The following HSPG2 variants were observed in gnomAD, a reference collection of about 807,000 sequenced individuals.
HSPG2 encodes the protein heparan sulfate proteoglycan 2, also known as basement membrane-specific heparan sulfate proteoglycan core protein.
Under a neutral mutation model 526.6 loss-of-function variants are expected in HSPG2, and 278 were observed. The observed-to-expected ratio is 0.53, with a 90% CI of 0.48 to 0.58. The LOEUF is 0.58. Among genes scored for constraint, HSPG2 ranks in the 20% least tolerant of loss-of-function variants. HSPG2 has a pLI of 0.00. For synonymous variants in HSPG2, 2,465 were observed against 2,555.4 expected, an observed-to-expected ratio of 0.96 and a Z score of 1.07; for missense variants, 5,354 against 6,099.5, an observed-to-expected ratio of 0.88 and a Z score of 4.07.
In HSPG2 at chr1:21,832,505, G is replaced by A; in HGVS notation, c.11197C>T (p.Pro3733Ser). 6.2e-7 allele frequency: 1 copy of A among 1,613,940 alleles called. No homozygotes were observed. Among genetic ancestry groups the A allele is most frequent in the Non-Finnish European group, 8.5e-7 (1 of 1,179,802 alleles). Residue 3733 changes from proline (P) to serine (S), a missense_variant, in exon 81 of 97, where the codon CCC becomes TCC. Coordinates refer to ENST00000374695, the MANE Select transcript of HSPG2 (RefSeq NM_005529.7). ...GGCTGGGGGTCTCACCGGAACTCGG[G>A]CCTTCCCCCCACGAGGCCGAAGGAG... ...FISFGLVGGR[P>S]EFRFDAGSGM...
chr1:21,871,435 T>G, intron 33 of HSPG2, among the ~76,000 whole-genome samples: 1 of 152,030 alleles, frequency 6.6e-6, no homozygotes, highest in Non-Finnish European at 1.5e-5. Context: ...TAATTTTTTG[T>G]ACTTTTTGTA....
chr1:21,856,610 G>A (rs1639359084), intron 44 of HSPG2, among the ~76,000 whole-genome samples: 1 of 60,560 alleles, frequency 1.7e-5, no homozygotes, highest in African/African-American at 4.7e-5. Flanking sequence ...TAGAGACAGG[G>A]TTTCACCTGT....
intron 1 of HSPG2, among the ~76,000 whole-genome samples, chr1:21,936,074 G>C (rs1207408247): frequency 6.6e-6 from 1 of 152,168 alleles, no homozygotes; most frequent in Non-Finnish European, 1.5e-5. Context: ...TTGGCTCAGA[G>C]AACAGGGAGG....
At chr1:21,919,795 C>T (rs1569599278) in intron 1 of HSPG2, among the ~76,000 whole-genome samples, 1 of 152,202 alleles carries the variant, frequency 6.6e-6, no homozygotes, top group South Asian at 2.1e-4. Context: ...GGACCATCCT[C>T]GGAGTTATAA....
chr1:21,829,936 C>A, intron 86 of HSPG2, 57 bp downstream of exon 86: 1 of 1,442,130 alleles, frequency 6.9e-7, no homozygotes, highest in South Asian at 1.2e-5. Flanking sequence ...GAGTGCCCCA[C>A]CCAGCCTCCC....
intron 1 of HSPG2, among the ~76,000 whole-genome samples, chr1:21,936,515 C>T (rs1644492892): frequency 1.3e-5 from 2 of 152,144 alleles, no homozygotes; most frequent in Non-Finnish European, 2.9e-5. Context: ...GTTCCCTTGA[C>T]CCACGTGGGG....
chr1:21,874,825 C>G (rs1640920327), intron 26 of HSPG2, 66 bp downstream of exon 26: 14 of 1,520,976 alleles, frequency 9.2e-6, no homozygotes, highest in Non-Finnish European at 1.3e-5. Flanking sequence ...GTGGAGGGCT[C>G]ATGGAGAAGG....
intron 85 of HSPG2, 170 bp from the exon 86 acceptor site, chr1:21,830,261 GA>G: frequency 1.6e-6 from 1 of 631,962 alleles, no homozygotes. Context: ...GCGGGAGCCA[GA>G]AGAGGCCACA....
chr1:21,863,855 A>T (rs543880819), intron 37 of HSPG2, among the ~76,000 whole-genome samples: 34 of 152,300 alleles, frequency 2.2e-4, no homozygotes, highest in East Asian at 5.8e-4. Flanking sequence ...GATAAAAAAA[A>T]TTTTTTTAAG....
At position 21,850,059 on chromosome 1, in the gene HSPG2, G is replaced by A; in HGVS notation, c.7428C>T (p.Ser2476=). The change falls in exon 57 of 97, where the codon AGC becomes AGT. Residue 2476 remains serine, a synonymous_variant. Coordinates refer to ENST00000374695, the MANE Select transcript of HSPG2 (RefSeq NM_005529.7). ...CTCCTACCTGGTGCCGGGCCGGGAGGCTGCCCCCGCGCTTGTGCCACGTGA... is the reference window on the plus strand; with the variant it reads ...CTCCTACCTGGTGCCGGGCCGGGAGACTGCCCCCGCGCTTGTGCCACGTGA... ...AQVTWHKRGG[S]LPARHQVHGS... 1 of 1,613,378 alleles carries A rather than the reference G, an allele frequency of 6.2e-7. No homozygotes were observed. The highest frequency in any genetic ancestry group is 8.5e-7 in the Non-Finnish European group (1 of 1,180,004).
intron 57 of HSPG2, 67 bp downstream of exon 57, chr1:21,849,974 G>A (rs754223131): frequency 1.8e-5 from 29 of 1,597,794 alleles, no homozygotes; most frequent in East Asian, 1.6e-4. Flanking sequence ...CACTGCGCCC[G>A]GTCAAGCCTA....
At chr1:21,880,899 G>A in intron 14 of HSPG2, 64 bp from the exon 15 acceptor site, 2 of 1,467,282 alleles carry the variant, frequency 1.4e-6, no homozygotes, top group Non-Finnish European at 1.9e-6. Flanking sequence ...GTGCCTATGA[G>A]GTGCCTATAG....
At chr1:21,933,124 G>A (rs1644387580) in intron 1 of HSPG2, among the ~76,000 whole-genome samples, 1 of 151,976 alleles carries the variant, frequency 6.6e-6, no homozygotes, top group Non-Finnish European at 1.5e-5. Context: ...GGGGGCTGAG[G>A]TGGGAGGATC....
chr1:21,914,448 G>A (rs1643827733), intron 1 of HSPG2, among the ~76,000 whole-genome samples: 1 of 152,148 alleles, frequency 6.6e-6, no homozygotes, highest in Non-Finnish European at 1.5e-5. Context: ...TAACCCCCAT[G>A]ACTGCCCTGA....
intron 87 of HSPG2, 126 bp from the exon 88 acceptor site, chr1:21,829,205 C>T: frequency 7.0e-7 from 1 of 1,425,760 alleles, no homozygotes; most frequent in South Asian, 1.3e-5. Flanking sequence ...AGATGAGGAG[C>T]CCATGGCTCA....
At chr1:21,844,076 C>T (rs1572198733) in intron 65 of HSPG2, 72 bp downstream of exon 65, 2 of 1,583,854 alleles carry the variant, frequency 1.3e-6, no homozygotes, top group Non-Finnish European at 1.7e-6. Flanking sequence ...GGCCACTTTC[C>T]CTTCAACGCT....
Position 21,823,494 on chromosome 1 carries a change from G to T in HSPG2, c.13004-6C>A, listed in dbSNP as rs751870091. The T allele has an allele frequency of 6.2e-7, 1 of 1,604,804 alleles. No homozygotes were observed. Among genetic ancestry groups the T allele is most frequent in the Non-Finnish European group, 8.5e-7 (1 of 1,178,754 alleles). On this transcript the variant is annotated splice_region_variant and splice_polypyrimidine_tract_variant and intron_variant, in intron 96 of 96. Coordinates refer to ENST00000374695, the MANE Select transcript of HSPG2 (RefSeq NM_005529.7). ...GGCCACGTCAGGGGCTCCGCCTGCCGGGAGGTGAGAGGACAGGGCCTGTGG... is the reference window on the plus strand; with the variant it reads ...GGCCACGTCAGGGGCTCCGCCTGCCTGGAGGTGAGAGGACAGGGCCTGTGG...
chr1:21,844,102 C>A (rs748316495), intron 65 of HSPG2, 46 bp downstream of exon 65: 11 of 1,606,080 alleles, frequency 6.8e-6, no homozygotes, highest in Non-Finnish European at 9.4e-6. Flanking sequence ...CAGGCAGGAC[C>A]ACTGCAGGTG....
intron 33 of HSPG2, chr1:21,870,777 C>T (rs554003681): frequency 2.1e-5 from 20 of 965,014 alleles, no homozygotes; most frequent in African/African-American, 5.3e-5. Flanking sequence ...TGGGAGCACC[C>T]GAGAAGGCAC....
Sources: gnomAD v4.1 joint callset for allele counts (sites outside exome capture counted in the v4.1 genomes callset) on GRCh38, gnomAD v4.1.1 for gene constraint, MANE v1.5 for transcripts, NCBI Gene and HGNC (gene_info 2026-07-23, HGNC 2026-07-21) for gene names.